The following PTPRS variants were observed in gnomAD, a reference collection of about 807,000 sequenced individuals.
The protein encoded by PTPRS is receptor-type tyrosine-protein phosphatase S.
Under a neutral mutation model 215.3 loss-of-function variants are expected in PTPRS, and 63 were observed. That is an observed-to-expected ratio of 0.29 (90% CI 0.24 to 0.36). PTPRS has a LOEUF of 0.36. Among genes scored for constraint, PTPRS ranks in the 10% least tolerant of loss-of-function variants. PTPRS has a pLI of 1.00. For missense variants in PTPRS, 2,258 were observed against 2,825.8 expected (o/e 0.80, Z 4.56); for synonymous variants, 1,404 against 1,191.4 (o/e 1.18, Z -3.68).
rs73919783 is a variant in PTPRS, at chr19:5,221,113, G to A, written c.3342C>T (p.Thr1114=). The stretch of plus-strand genomic sequence containing the variant: ...TGAGCAGGTTGAAGGCAGTCCAGGC[G>A]GTGACCGTCTGCTGGAGGCCGCCCA... ...SSLGGLQQTV[T]AWTAFNLLNG... The change falls in exon 20 of 38, where the codon ACC becomes ACT. Residue 1114 remains threonine (T), a synonymous_variant. Transcript: ENST00000262963. 2.4e-3 allele frequency: 3,862 copies of A among 1,614,024 alleles called. 65 individuals are homozygous for A. The African/African-American group carries it at 0.034, about 14-fold the overall frequency.
In PTPRS at chr19:5,206,034, GCA is replaced by G. The variant is rs900602471; in HGVS notation, c.*738_*739del. ...GACATCCCATTCTTCTGTGAGCAAA[GCA>G]CACTTTCTGATGGTAGGAAAAATTA... On this transcript the variant is annotated 3_prime_UTR_variant, in exon 38 of 38. Transcript: ENST00000262963. Among the ~76,000 whole-genome samples the G allele has an allele frequency of 7.7e-6, 1 of 129,508 alleles. No homozygotes were observed. The highest frequency in any genetic ancestry group is 2.9e-5 in the African/African-American group (1 of 34,380). 85.0% of individuals were successfully genotyped at this position (129,508 alleles called of 152,430 possible). A position where few individuals can be genotyped will look rare whatever the true frequency, so the allele number is the denominator to read the frequency against.
rs893633807 is a variant in PTPRS, at chr19:5,293,270, G to T, written c.-94-7036C>A. 2.0e-5 allele frequency: 3 copies of T among 151,120 alleles called. No homozygotes were observed. Among genetic ancestry groups the T allele is most frequent in the Admixed American group, 6.5e-5 (1 of 15,272 alleles). 9.4% of individuals were successfully genotyped at this position (151,120 alleles called of 1,614,324 possible). ...GACTCGGGAGAGGCCTCGGCCTGGG[G>T]AGCTCGGCCTGGGGGCGGGGCAAGG... On this transcript the variant is annotated intron_variant, in intron 1 of 37. Transcript: ENST00000262963. The surrounding 1 kb of genome is among the most constrained non-coding windows in gnomAD (Gnocchi z 8.4).
chr19:5,221,116 G>A lies in PTPRS; in HGVS notation c.3339C>T (p.Val1113=). 3.1e-6 allele frequency: 5 copies of A among 1,614,048 alleles called. No individual in the cohort carries two copies. Among genetic ancestry groups the A allele is most frequent in the Non-Finnish European group, 3.4e-6 (4 of 1,180,004 alleles). The change falls in exon 20 of 38, where the codon GTC becomes GTT. Residue 1113 remains valine (V), a synonymous_variant. Coordinates refer to ENST00000262963, the MANE Select transcript of PTPRS (RefSeq NM_002850.4). ...GSSLGGLQQT[V]TAWTAFNLLN... ...GCAGGTTGAAGGCAGTCCAGGCGGT[G>A]ACCGTCTGCTGGAGGCCGCCCAGGC...
rs1351393230 is a variant in PTPRS, at chr19:5,244,721, C to G, written c.989-239G>C. 3.3e-5 allele frequency among the ~76,000 whole-genome samples: 5 copies of G among 152,164 alleles called. No individual in the cohort carries two copies. Among genetic ancestry groups the G allele is most frequent in the African/African-American group, 1.2e-4 (5 of 41,440 alleles). On this transcript the variant is annotated intron_variant, in intron 10 of 37. Coordinates refer to ENST00000262963, the MANE Select transcript of PTPRS (RefSeq NM_002850.4). This position sits in a 1 kb window ranked among gnomAD's most constrained non-coding sequence, Gnocchi z 7.2. The stretch of plus-strand genomic sequence containing the variant: ...TTGAGATGGAGTCTCACTCTGTCAC[C>G]CACAGTGGCACGATCTCGGCTCACT...
chr19:5,222,660 C>T (rs1290264529), intron 18 of PTPRS, 29 bp downstream of exon 18: 7 of 1,515,146 alleles, frequency 4.6e-6, no homozygotes, highest in Non-Finnish European at 4.4e-6. Context: ...CCCGGTCCGG[C>T]TCTGGTGCAG....
rs932655660 is a variant in PTPRS at position 5,287,544 on chromosome 19, GC to G, written c.-94-1311del. 6.6e-6 allele frequency among the ~76,000 whole-genome samples: 1 copy of G among 152,132 alleles called. No homozygotes were observed. Among genetic ancestry groups the G allele is most frequent in the African/African-American group, 2.4e-5 (1 of 41,444 alleles). On this transcript the variant is annotated intron_variant, in intron 1 of 37. Transcript: ENST00000262963. The surrounding 1 kb of genome is among the most constrained non-coding windows in gnomAD (Gnocchi z 4.8). ...GAGGCCCAAGGATAAGATCTTTGTT[GC>G]CTAGTCAGGCTGGCACCCATGCCAG...
Position 5,206,077 on chromosome 19 carries a change from A to AAAAAAAAAAC in PTPRS, c.*696_*697insGTTTTTTTTT. 6.8e-6 allele frequency among the ~76,000 whole-genome samples: 1 copy of AAAAAAAAAAC among 147,924 alleles called. No individual in the cohort carries two copies. Among genetic ancestry groups the AAAAAAAAAAC allele is most frequent in the African/African-American group, 2.5e-5 (1 of 39,676 alleles). Reference sequence around the variant, plus strand: ...GGAAAAATTAAAAAAAAAAAAAAAAAAAAAAAAGCCAAGGTACAGCCATGG... The same window carrying AAAAAAAAAAC: ...GGAAAAATTAAAAAAAAAAAAAAAAAAAAAAAAAACAAAAAAAGCCAAGGTACAGCCATGG... On this transcript the variant is annotated 3_prime_UTR_variant, in exon 38 of 38. Coordinates refer to ENST00000262963, the MANE Select transcript of PTPRS (RefSeq NM_002850.4).
At chr19:5,300,666 G>A (rs1404882483) in intron 1 of PTPRS, among the ~76,000 whole-genome samples, 3 of 151,336 alleles carry the variant, frequency 2.0e-5, no homozygotes, top group African/African-American at 7.3e-5. Context: ...AGCTACTTGG[G>A]AGGCTGAGGC....
intron 15 of PTPRS, 34 bp downstream of exon 15, chr19:5,229,457 C>T: frequency 2.2e-6 from 3 of 1,383,264 alleles, no homozygotes; most frequent in Non-Finnish European, 2.8e-6. Flanking sequence ...CCGCCCGGAG[C>T]CCGTCCCCGG....
At chr19:5,283,576 C>CA (rs143872694) in intron 2 of PTPRS, among the ~76,000 whole-genome samples, 11,097 of 143,106 alleles carry the variant, frequency 0.078, 540 homozygotes, top group Non-Finnish European at 0.12. Context: ...GACTCCGTCT[C>CA]AAAAAAAAAA....
chr19:5,281,354 G>A (rs950944012), intron 2 of PTPRS, among the ~76,000 whole-genome samples: 5 of 152,054 alleles, frequency 3.3e-5, no homozygotes, highest in Admixed American at 1.3e-4. Flanking sequence ...CCAGCTACTC[G>A]GGAGGCTGAG....
intron 37 of PTPRS, 26 bp from the exon 38 acceptor site, chr19:5,206,868 G>C: frequency 6.2e-7 from 1 of 1,608,404 alleles, no homozygotes; most frequent in Non-Finnish European, 8.5e-7. Context: ...TGACCTGTTA[G>C]TACCTCCGCT....
intron 11 of PTPRS, among the ~76,000 whole-genome samples, chr19:5,242,697 A>G (rs1343449881): frequency 6.7e-6 from 1 of 150,268 alleles, no homozygotes; most frequent in African/African-American, 2.5e-5. Context: ...TTTTATTTTA[A>G]TGTTTGTTTT....
At chr19:5,306,942 G>A (rs2049516074) in intron 1 of PTPRS, among the ~76,000 whole-genome samples, 1 of 152,200 alleles carries the variant, frequency 6.6e-6, no homozygotes, top group Non-Finnish European at 1.5e-5. Context: ...GACACGTGGA[G>A]AAAGTACTCA....
intron 1 of PTPRS, among the ~76,000 whole-genome samples, chr19:5,298,605 G>A (rs1251089303): frequency 2.6e-5 from 4 of 152,180 alleles, no homozygotes; most frequent in Non-Finnish European, 4.4e-5. Context: ...GGGCATGGGC[G>A]GGTGCCAACC....
At position 5,210,595 on chromosome 19, in the gene PTPRS, C is replaced by G; in HGVS notation, c.5362-1G>C. Reference sequence around the variant, plus strand: ...CCGGCCAGTACTGGTGACACTTCTCCTGTGGAGGAGATGGCGGCCGTGGTC... The same window carrying G: ...CCGGCCAGTACTGGTGACACTTCTCGTGTGGAGGAGATGGCGGCCGTGGTC... On this transcript the variant is annotated splice_acceptor_variant, in intron 34 of 37. Transcript: ENST00000262963. LOFTEE classifies it high-confidence loss of function. This position sits in a 1 kb window ranked among gnomAD's most constrained non-coding sequence, Gnocchi z 4.5. 1 of 1,614,218 alleles carries G rather than the reference C, an allele frequency of 6.2e-7. No homozygotes were observed. The highest frequency in any genetic ancestry group is 8.5e-7 in the Non-Finnish European group (1 of 1,180,042).
intron 17 of PTPRS, among the ~76,000 whole-genome samples, chr19:5,225,475 G>A (rs1189783529): frequency 6.6e-6 from 1 of 151,490 alleles, no homozygotes; most frequent in African/African-American, 2.4e-5. Context: ...GTCAGAGGTG[G>A]CTGTTAACTG....
At chr19:5,263,078 G>GCCC in intron 5 of PTPRS, 106 bp from the exon 6 acceptor site, 1 of 637,946 alleles carries the variant, frequency 1.6e-6, no homozygotes, top group Admixed American at 2.5e-5. Context: ...GGGAGGGGAG[G>GCCC]GGGACGCTCA....
intron 1 of PTPRS, among the ~76,000 whole-genome samples, chr19:5,336,073 C>T (rs1220002197): frequency 2.0e-5 from 3 of 151,788 alleles, no homozygotes; most frequent in Non-Finnish European, 1.5e-5. Context: ...AGGGCCTGTC[C>T]GTGAATCACT....
Sources: gnomAD v4.1 joint callset for allele counts (sites outside exome capture counted in the v4.1 genomes callset) on GRCh38, gnomAD v4.1.1 for gene constraint, Gnocchi (gnomAD v3.1) non-coding constraint, MANE v1.5 for transcripts, NCBI Gene and HGNC (gene_info 2026-07-23, HGNC 2026-07-21) for gene names.